Variants in CNTNAP2 observed in about 807,000 individuals in gnomAD.
CNTNAP2 encodes the protein contactin-associated protein-like 2.
A neutral mutation model predicts 155.2 loss-of-function variants in CNTNAP2; 98 were observed. That is an observed-to-expected ratio of 0.63 (90% CI 0.54 to 0.75). The LOEUF (loss-of-function observed/expected upper bound fraction) is 0.75. Ranked by LOEUF, CNTNAP2 falls within the 30% of genes least tolerant of loss-of-function variation. The pLI, the probability that CNTNAP2 is intolerant of heterozygous loss-of-function variation, is 0.00. For missense variants in CNTNAP2, 1,727 were observed against 1,688.1 expected, an observed-to-expected ratio of 1.02 and a Z score of -0.40; for synonymous variants, 651 against 631.2, an observed-to-expected ratio of 1.03 and a Z score of -0.47.
chr7:147,128,016 G>A (rs895890884), intron 6 of CNTNAP2, among the ~76,000 whole-genome samples: 3 of 152,002 alleles, frequency 2.0e-5, no homozygotes, highest in African/African-American at 7.2e-5. Flanking sequence ...TTCTATAAGC[G>A]ATAGCAGCCA....
chr7:147,682,364 T>A (rs985562468), intron 13 of CNTNAP2, among the ~76,000 whole-genome samples: 1 of 152,088 alleles, frequency 6.6e-6, no homozygotes, highest in East Asian at 1.9e-4. Context: ...ACTATTTTGT[T>A]ATATAATTGG....
chr7:147,059,709 T>G (rs1799627009), intron 4 of CNTNAP2, among the ~76,000 whole-genome samples: 1 of 152,046 alleles, frequency 6.6e-6, no homozygotes, highest in African/African-American at 2.4e-5. Context: ...ATATATTGTG[T>G]CCTTACAACA....
chr7:148,217,848 G>A (rs1554404405), intron 19 of CNTNAP2, among the ~76,000 whole-genome samples: 1 of 152,248 alleles, frequency 6.6e-6, no homozygotes, highest in Non-Finnish European at 1.5e-5. Flanking sequence ...CATTTGGCTG[G>A]ACACTGTGGC....
At chr7:147,548,877 G>A (rs571380112) in intron 11 of CNTNAP2, among the ~76,000 whole-genome samples, 1 of 152,264 alleles carries the variant, frequency 6.6e-6, no homozygotes, top group Admixed American at 6.5e-5. Flanking sequence ...TTTCCCCATT[G>A]CTTGTTTTTG....
intron 1 of CNTNAP2, among the ~76,000 whole-genome samples, chr7:146,294,459 A>G (rs1229207884): frequency 6.6e-6 from 1 of 152,204 alleles, no homozygotes; most frequent in African/African-American, 2.4e-5. Flanking sequence ...CAGCTGGCCC[A>G]GATCCAAACA....
chr7:146,142,979 G>T (rs1797901874), intron 1 of CNTNAP2, among the ~76,000 whole-genome samples: 1 of 152,158 alleles, frequency 6.6e-6, no homozygotes. Flanking sequence ...TAAGAACTCT[G>T]CCTTTTTGGT....
chr7:146,767,816 G>T (rs1301374986), intron 1 of CNTNAP2, among the ~76,000 whole-genome samples: 1 of 152,074 alleles, frequency 6.6e-6, no homozygotes, highest in East Asian at 1.9e-4. Context: ...ACAGGAAAAG[G>T]ACTTTTGAAA....
At chr7:146,983,442 C>T (rs1798056720) in intron 3 of CNTNAP2, among the ~76,000 whole-genome samples, 1 of 151,954 alleles carries the variant, frequency 6.6e-6, no homozygotes, top group Non-Finnish European at 1.5e-5. Flanking sequence ...AGAACAAAAC[C>T]AAACAAAAGG....
chr7:147,751,786 T>C (rs1194984112), intron 13 of CNTNAP2, among the ~76,000 whole-genome samples: 1 of 152,226 alleles, frequency 6.6e-6, no homozygotes, highest in Non-Finnish European at 1.5e-5. Flanking sequence ...ACAAAAATAC[T>C]AAGAAAAATA....
chr7:147,374,420 C>A (rs1338571606), intron 9 of CNTNAP2, among the ~76,000 whole-genome samples: 1 of 152,038 alleles, frequency 6.6e-6, no homozygotes, highest in Non-Finnish European at 1.5e-5. Context: ...ATCTTCAAAT[C>A]TTGCCTACCA....
At chr7:147,698,851 A>G (rs949799708) in intron 13 of CNTNAP2, among the ~76,000 whole-genome samples, 16 of 152,208 alleles carry the variant, frequency 1.1e-4, no homozygotes, top group African/African-American at 3.9e-4. Flanking sequence ...GTGTGAGCAC[A>G]TTATTGAATA....
At chr7:147,642,499 G>T (rs1008938642) in intron 13 of CNTNAP2, among the ~76,000 whole-genome samples, 4 of 151,148 alleles carry the variant, frequency 2.6e-5, no homozygotes, top group African/African-American at 9.7e-5. Context: ...TCTTCCCCTC[G>T]GCCACCGTGA....
intron 3 of CNTNAP2, among the ~76,000 whole-genome samples, chr7:146,938,479 T>G (rs1210709459): frequency 1.3e-5 from 2 of 150,948 alleles, no homozygotes; most frequent in Non-Finnish European, 3.0e-5. Flanking sequence ...ATATAATATA[T>G]AAAACTACTT....
intron 14 of CNTNAP2, among the ~76,000 whole-genome samples, chr7:147,918,420 A>G (rs1392172959): frequency 6.6e-6 from 1 of 152,216 alleles, no homozygotes; most frequent in Non-Finnish European, 1.5e-5. Context: ...CAAAAATTGG[A>G]AAGTTACTTT....
At chr7:147,870,116 C>T (rs1799302590) in intron 13 of CNTNAP2, among the ~76,000 whole-genome samples, 1 of 152,082 alleles carries the variant, frequency 6.6e-6, no homozygotes, top group Non-Finnish European at 1.5e-5. Flanking sequence ...TAGTTCAGGT[C>T]CTCCAAGAAG....
chr7:147,582,083 A>G (rs10237202), intron 12 of CNTNAP2, among the ~76,000 whole-genome samples: 105,447 of 151,960 alleles, frequency 0.69, 37,243 homozygotes, highest in African/African-American at 0.82. Context: ...AAGAATTTTC[A>G]TAATAGCCTC....
Position 148,267,234 on chromosome 7 carries a change from C to T in CNTNAP2, c.3475+108C>T, listed in dbSNP as rs1372232082. 6 of 924,552 alleles carry T rather than the reference C, an allele frequency of 6.5e-6. No individual in the cohort carries two copies. The African/African-American group carries it at 6.5e-5, about 10-fold the overall frequency. 57.3% of individuals were successfully genotyped at this position (924,552 alleles called of 1,614,324 possible). A position where few individuals can be genotyped will look rare whatever the true frequency, so the allele number is the denominator to read the frequency against. On this transcript the variant is annotated intron_variant, in intron 21 of 23. Transcript: ENST00000361727. ...AAATTTCTCTTACTGGGGCCAGTCA[C>T]GAATATCTTCTCTGTACAGGAAAGT...
intron 1 of CNTNAP2, among the ~76,000 whole-genome samples, chr7:146,645,588 G>A (rs1369902050): frequency 6.6e-6 from 1 of 152,070 alleles, no homozygotes; most frequent in Non-Finnish European, 1.5e-5. Context: ...TGGGGGTGAG[G>A]GGCACTTGGC....
At chr7:147,451,164 G>A (rs1322865663) in intron 10 of CNTNAP2, among the ~76,000 whole-genome samples, 1 of 152,108 alleles carries the variant, frequency 6.6e-6, no homozygotes. Flanking sequence ...CTGGATTAAT[G>A]TCTCCTTACA....
Sources: gnomAD v4.1 joint callset for allele counts (sites outside exome capture counted in the v4.1 genomes callset) on GRCh38, gnomAD v4.1.1 for gene constraint, MANE v1.5 for transcripts, NCBI Gene and HGNC (gene_info 2026-07-23, HGNC 2026-07-21) for gene names.